RGS3: variants seen among roughly 807,000 people sequenced by gnomAD.
RGS3 encodes the protein regulator of G protein signaling 3, also known as regulator of G-protein signalling 3.
A neutral mutation model predicts 132.6 loss-of-function variants in RGS3; 80 were observed. The observed-to-expected ratio is 0.60, with a 90% confidence interval of 0.50 to 0.73. The LOEUF is 0.73. RGS3 is among the 30% of genes least tolerant of loss of function. RGS3 has a pLI of 0.00. For missense variants in RGS3, 1,382 were observed against 1,530.8 expected, an observed-to-expected ratio of 0.90 and a Z score of 1.62; for synonymous variants, 598 against 620.6, an observed-to-expected ratio of 0.96 and a Z score of 0.54.
rs1833976826 is a variant in RGS3 at position 113,565,843 on chromosome 9, C to T, written c.2038-17607C>T. 1 of 186,510 alleles carries T rather than the reference C, an allele frequency of 5.4e-6. No homozygotes were observed. The allele number at this position is 186,510 out of a possible 1,614,324, so 11.6% of individuals were successfully genotyped here. The stretch of plus-strand genomic sequence containing the variant: ...GCAGCCATTGATAGGCATGTTGCAA[C>T]CAAACCATTTGTGCTCTGTTCTGAG... On this transcript the variant is annotated intron_variant, in intron 19 of 24. Transcript: ENST00000350696. The surrounding 1 kb of genome is among the most constrained non-coding windows in gnomAD (Gnocchi z 5.7).
At chr9:113,525,296 C>T (rs1832151501) in intron 17 of RGS3, among the ~76,000 whole-genome samples, 1 of 152,144 alleles carries the variant, frequency 6.6e-6, no homozygotes, top group African/African-American at 2.4e-5. Flanking sequence ...CCGATAGAGC[C>T]CTTGCCTTCC....
intron 19 of RGS3, chr9:113,541,668 A>G: frequency 8.8e-7 from 1 of 1,136,832 alleles, no homozygotes; most frequent in Non-Finnish European, 1.1e-6. Context: ...GAGAGGACTC[A>G]GAGGCTTCTT....
At chr9:113,478,440 G>A (rs1830061803) in intron 3 of RGS3, among the ~76,000 whole-genome samples, 1 of 151,916 alleles carries the variant, frequency 6.6e-6, no homozygotes, top group South Asian at 2.1e-4. Context: ...TTTTAATTTG[G>A]CATCCTTTCA....
Position 113,565,030 on chromosome 9 carries a change from T to A in RGS3, c.2038-18420T>A. On this transcript the variant is annotated intron_variant, in intron 19 of 24. Coordinates refer to ENST00000350696, the Ensembl canonical transcript of RGS3. The surrounding 1 kb of genome is among the most constrained non-coding windows in gnomAD (Gnocchi z 5.7). Reference sequence around the variant, plus strand: ...CCAGCCTGGGAGCCCTCAGGATGTGTGTGGGGTGGAGCCTGCTAGGGATCC... The same window carrying A: ...CCAGCCTGGGAGCCCTCAGGATGTGAGTGGGGTGGAGCCTGCTAGGGATCC... The A allele has an allele frequency of 1.8e-6, 2 of 1,111,260 alleles. No homozygotes were observed. The highest frequency in any genetic ancestry group is 4.2e-4 in the Middle Eastern group (1 of 2,354). 68.8% of individuals were successfully genotyped at this position (1,111,260 alleles called of 1,614,324 possible). A position where few individuals can be genotyped will look rare whatever the true frequency, so the allele number is the denominator to read the frequency against.
At position 113,507,763 on chromosome 9, in the gene RGS3, G is replaced by C; in HGVS notation, c.1437+125G>C. 1 of 765,118 alleles carries C rather than the reference G, an allele frequency of 1.3e-6. No homozygotes were observed. The allele number at this position is 765,118 out of a possible 1,614,324, so 47.4% of individuals were successfully genotyped here. On this transcript the variant is annotated intron_variant, in intron 13 of 24. Transcript: ENST00000350696. The surrounding 1 kb of genome is among the most constrained non-coding windows in gnomAD (Gnocchi z 5.0). ...GGGCTGCGATGTTGGGCAAGGAGATGGGGTATGTGCTAGCTCTGCCTTCTG... is the reference window on the plus strand; with the variant it reads ...GGGCTGCGATGTTGGGCAAGGAGATCGGGTATGTGCTAGCTCTGCCTTCTG...
chr9:113,497,180 G>A (rs1830713760), intron 8 of RGS3, 134 bp from the exon 7 acceptor site: 3 of 665,678 alleles, frequency 4.5e-6, no homozygotes, highest in Non-Finnish European at 5.2e-6. Context: ...GGCAGCTCGG[G>A]GCCAGGAAGG....
chr9:113,473,229 C>T (rs959757734), intron 3 of RGS3, among the ~76,000 whole-genome samples: 2 of 152,208 alleles, frequency 1.3e-5, no homozygotes, highest in Non-Finnish European at 2.9e-5. Flanking sequence ...AGGAACTAGG[C>T]TTCACCTCTT....
intron 20 of RGS3, among the ~76,000 whole-genome samples, chr9:113,585,157 G>C (rs1835055022): frequency 6.6e-6 from 1 of 152,244 alleles, no homozygotes; most frequent in Admixed American, 6.5e-5. Context: ...CAACCTGAGA[G>C]AAATAAGTTA....
intron 18 of RGS3, among the ~76,000 whole-genome samples, chr9:113,532,361 T>G (rs1024768277): frequency 6.6e-6 from 1 of 150,936 alleles, no homozygotes; most frequent in Non-Finnish European, 1.5e-5. Flanking sequence ...CTTAGTGCTC[T>G]CTCTCTTGGC....
At chr9:113,519,885 T>G (rs1831855279) in intron 16 of RGS3, among the ~76,000 whole-genome samples, 1 of 152,130 alleles carries the variant, frequency 6.6e-6, no homozygotes, top group Non-Finnish European at 1.5e-5. Context: ...TAGACTTGAT[T>G]AATGTGCCCT....
chr9:113,507,462 C>T lies in RGS3; in HGVS notation c.1261C>T (p.Arg421Cys), dbSNP rs772034212. Residue 421 changes from arginine (R) to cysteine (C), a missense_variant, in exon 13 of 25, where the codon CGC becomes TGC. Arg to Cys is a radical substitution (Grantham distance 180). Coordinates refer to ENST00000350696, the Ensembl canonical transcript of RGS3. This position sits in a 1 kb window ranked among gnomAD's most constrained non-coding sequence, Gnocchi z 5.0. ...TGGGGTCCAGGCACGGCCTGAGCAG[C>T]GCCACAGCTGCCACCTGGTATGTGA... The T allele has an allele frequency of 7.4e-6, 12 of 1,613,690 alleles. No homozygotes were observed. The highest frequency in any genetic ancestry group is 2.2e-5 in the South Asian group (2 of 91,064).
rs550114198 is a variant in RGS3, at chr9:113,580,008, C to T, written c.2038-3442C>T. ...TCTCCTACACTTGCCACCCTCCCAC[C>T]CCTGGGTTTCTCGGGTTTCCTATAA... On this transcript the variant is annotated intron_variant, in intron 19 of 24. Coordinates refer to ENST00000350696, the Ensembl canonical transcript of RGS3. Among the ~76,000 whole-genome samples the T allele has an allele frequency of 8.5e-5, 13 of 152,342 alleles. No homozygotes were observed. In the East Asian group the frequency reaches 2.5e-3, roughly 29 times the overall value.
In RGS3 at chr9:113,565,135, A is replaced by T; in HGVS notation, c.2038-18315A>T. 8.5e-7 allele frequency: 1 copy of T among 1,177,296 alleles called. No individual in the cohort carries two copies. 72.9% of individuals were successfully genotyped at this position (1,177,296 alleles called of 1,614,324 possible). A position where few individuals can be genotyped will look rare whatever the true frequency, so the allele number is the denominator to read the frequency against. The stretch of plus-strand genomic sequence containing the variant: ...TTTGGGGCCAGCTTGGGCCCTGGGG[A>T]TGAGCCACAGGGGACCCACAGCCTA... On this transcript the variant is annotated intron_variant, in intron 19 of 24. Transcript: ENST00000350696. This position sits in a 1 kb window ranked among gnomAD's most constrained non-coding sequence, Gnocchi z 5.7.
intron 19 of RGS3, among the ~76,000 whole-genome samples, chr9:113,575,843 G>C (rs1403504708): frequency 5.3e-5 from 8 of 152,214 alleles, no homozygotes; most frequent in Admixed American, 3.9e-4. Flanking sequence ...TGATTCTAAA[G>C]TGTACTTCTC....
chr9:113,566,965 G>A (rs1447874181), intron 19 of RGS3, among the ~76,000 whole-genome samples: 1 of 152,244 alleles, frequency 6.6e-6, no homozygotes, highest in East Asian at 1.9e-4. Context: ...GTGTGGCTTA[G>A]CCTAGGGCAG....
intron 19 of RGS3, among the ~76,000 whole-genome samples, chr9:113,572,059 A>G (rs1336665363): frequency 3.3e-5 from 5 of 152,092 alleles, no homozygotes; most frequent in Admixed American, 6.6e-5. Context: ...GGGGAGGGGA[A>G]GGTGCTCTAG....
Position 113,463,912 on chromosome 9 carries a change from C to T in RGS3, c.415+1711C>T. On this transcript the variant is annotated intron_variant, in intron 3 of 24. Coordinates refer to ENST00000350696, the Ensembl canonical transcript of RGS3. The surrounding 1 kb of genome is among the most constrained non-coding windows in gnomAD (Gnocchi z 4.6). Reference sequence around the variant, plus strand: ...TGCCCGCTGGGGCTGGCGGCAGGGGCTGCTTCACCCTGCTCCCAGCGCCCA... The same window carrying T: ...TGCCCGCTGGGGCTGGCGGCAGGGGTTGCTTCACCCTGCTCCCAGCGCCCA... The T allele has an allele frequency of 6.2e-7, 1 of 1,607,082 alleles. No individual in the cohort carries two copies. The highest frequency in any genetic ancestry group is 1.3e-5 in the African/African-American group (1 of 74,904).
chr9:113,453,050 ATATAT>A (rs1163901014), intron 1 of RGS3, among the ~76,000 whole-genome samples: 4 of 134,574 alleles, frequency 3.0e-5, no homozygotes, highest in African/African-American at 1.1e-4. Context: ...ATAATATATA[ATATAT>A]AAGTATACAT....
chr9:113,495,798 C>T, exon 8 of RGS3: 1 of 1,614,150 alleles, frequency 6.2e-7, no homozygotes, highest in Middle Eastern at 1.6e-4. Context: ...AGAGTGGACT[C>T]ATTGGCTGCA....
Sources: gnomAD v4.1 joint callset for allele counts (sites outside exome capture counted in the v4.1 genomes callset) on GRCh38, gnomAD v4.1.1 for gene constraint, Gnocchi (gnomAD v3.1) non-coding constraint, MANE v1.5 for transcripts, NCBI Gene and HGNC (gene_info 2026-07-23, HGNC 2026-07-21) for gene names.